Variants in MCTP1 observed in about 807,000 individuals in gnomAD.
The protein encoded by MCTP1 is multiple C2 and transmembrane domain-containing protein 1.
In MCTP1, 69 loss-of-function variants were observed where a neutral mutation model predicts 120.6. That is an observed-to-expected ratio of 0.57 (90% CI 0.47 to 0.70). The LOEUF (loss-of-function observed/expected upper bound fraction) is 0.70. MCTP1 is among the 30% of genes least tolerant of loss of function. The probability of loss-of-function intolerance (pLI) is 0.00; values close to 1 mark genes in which losing one functional copy is unlikely to be tolerated. For missense variants in MCTP1, 1,203 were observed against 1,248.8 expected, an observed-to-expected ratio of 0.96 and a Z score of 0.55; for synonymous variants, 529 against 493.1, an observed-to-expected ratio of 1.07 and a Z score of -0.96.
At chr5:95,230,334 T>A (rs1754793085) in intron 1 of MCTP1, among the ~76,000 whole-genome samples, 1 of 152,040 alleles carries the variant, frequency 6.6e-6, no homozygotes, top group Non-Finnish European at 1.5e-5. Flanking sequence ...GTTTTACAGA[T>A]GAGGAAACTG....
chr5:94,736,153 C>A (rs1237215662), intron 19 of MCTP1, among the ~76,000 whole-genome samples: 1 of 152,246 alleles, frequency 6.6e-6, no homozygotes, highest in Non-Finnish European at 1.5e-5. Flanking sequence ...TCAACCACCA[C>A]TATCACTTAC....
chr5:94,910,371 T>C lies in MCTP1; in HGVS notation c.1522-990A>G, dbSNP rs147617031. On this transcript the variant is annotated intron_variant, in intron 9 of 22. Coordinates refer to ENST00000515393, the MANE Select transcript of MCTP1 (RefSeq NM_024717.7). ...GAATCAATGAGCAAAGTAACCTATATTGATAGGAATGGAATTTTAAAATTC... is the reference window on the plus strand; with the variant it reads ...GAATCAATGAGCAAAGTAACCTATACTGATAGGAATGGAATTTTAAAATTC... Among the ~76,000 whole-genome samples, 8 of 152,124 alleles carry C rather than the reference T, an allele frequency of 5.3e-5. No individual in the cohort carries two copies. The East Asian group carries it at 1.4e-3, about 26-fold the overall frequency.
chr5:94,836,018 A>G (rs141310981), intron 17 of MCTP1, among the ~76,000 whole-genome samples: 2,567 of 151,744 alleles, frequency 0.017, 31 homozygotes, highest in Non-Finnish European at 0.026. Flanking sequence ...CAAACAAACA[A>G]ACAAACAAAA....
At chr5:95,082,671 T>G (rs925748200) in intron 1 of MCTP1, among the ~76,000 whole-genome samples, 5 of 152,188 alleles carry the variant, frequency 3.3e-5, no homozygotes. Flanking sequence ...CATTTCAATA[T>G]GTAATCATAA....
chr5:94,990,494 G>A (rs77002971), intron 2 of MCTP1, among the ~76,000 whole-genome samples: 1 of 152,088 alleles, frequency 6.6e-6, no homozygotes, highest in South Asian at 2.1e-4. Flanking sequence ...TTCACAGCCT[G>A]GATGTTTGCC....
chr5:94,967,346 C>A (rs925531945), intron 2 of MCTP1, among the ~76,000 whole-genome samples: 1 of 152,168 alleles, frequency 6.6e-6, no homozygotes, highest in Non-Finnish European at 1.5e-5. Flanking sequence ...TCAGCTATCA[C>A]ACACCACGTA....
chr5:94,724,556 C>T (rs1394358560), intron 19 of MCTP1, among the ~76,000 whole-genome samples: 1 of 151,974 alleles, frequency 6.6e-6, no homozygotes, highest in Non-Finnish European at 1.5e-5. Context: ...CAAGAAAACC[C>T]TTTTTAACTG....
intron 1 of MCTP1, among the ~76,000 whole-genome samples, chr5:95,220,082 A>C (rs2152605067): frequency 6.6e-6 from 1 of 152,324 alleles, no homozygotes; most frequent in East Asian, 1.9e-4. Context: ...TTGCTAATAG[A>C]TGACATTTAA....
intron 1 of MCTP1, among the ~76,000 whole-genome samples, chr5:95,032,368 A>G (rs1840464204): frequency 6.6e-6 from 1 of 152,170 alleles, no homozygotes; most frequent in Admixed American, 6.5e-5. Flanking sequence ...ATTCAAAATA[A>G]CTGAAATCAT....
chr5:94,776,437 C>A (rs1775346065), intron 19 of MCTP1, among the ~76,000 whole-genome samples: 1 of 152,220 alleles, frequency 6.6e-6, no homozygotes, highest in East Asian at 1.9e-4. Flanking sequence ...CCACGTAATA[C>A]CCCATTTACC....
Position 94,800,071 on chromosome 5 carries a change from C to T in MCTP1, c.2437-939G>A, listed in dbSNP as rs188855009. On this transcript the variant is annotated intron_variant, in intron 17 of 22. Transcript: ENST00000515393. Reference sequence around the variant, plus strand: ...AACTAGCCATATAACTTTCAAGCAACGTATATATCCCCTCTTTCGTTTCTT... The same window carrying T: ...AACTAGCCATATAACTTTCAAGCAATGTATATATCCCCTCTTTCGTTTCTT... Among the ~76,000 whole-genome samples the T allele has an allele frequency of 1.5e-4, 23 of 152,212 alleles. 1 individual carries two copies. The East Asian group carries it at 3.3e-3, about 22-fold the overall frequency.
intron 6 of MCTP1, among the ~76,000 whole-genome samples, chr5:94,926,418 A>G (rs1217970402): frequency 6.6e-6 from 1 of 151,406 alleles, no homozygotes; most frequent in East Asian, 1.9e-4. Context: ...TCATGTATAT[A>G]AACTTTCCTG....
In MCTP1 at chr5:94,940,601, CATATACAT is replaced by C. The variant is rs1264720642; in HGVS notation, c.1062-414_1062-407del. ...ACATATATATGTATATATATATACA[CATATACAT>C]ATATATGTGTATATATATACACATA... On this transcript the variant is annotated intron_variant, in intron 4 of 22. Transcript: ENST00000515393. 1.7e-4 allele frequency among the ~76,000 whole-genome samples: 25 copies of C among 144,536 alleles called. No individual in the cohort carries two copies. In the East Asian group the frequency reaches 4.0e-3, roughly 23 times the overall value. 94.8% of individuals were successfully genotyped at this position (144,536 alleles called of 152,430 possible). A position where few individuals can be genotyped will look rare whatever the true frequency, so the allele number is the denominator to read the frequency against.
chr5:94,897,074 C>T (rs578208635), intron 10 of MCTP1, among the ~76,000 whole-genome samples: 11 of 151,794 alleles, frequency 7.2e-5, no homozygotes, highest in Non-Finnish European at 1.0e-4. Context: ...TTAATTTTTT[C>T]GAGACCAGGT....
intron 1 of MCTP1, among the ~76,000 whole-genome samples, chr5:95,117,047 AAAAC>A (rs1178151881): frequency 6.6e-6 from 1 of 152,202 alleles, no homozygotes; most frequent in Non-Finnish European, 1.5e-5. Context: ...TTTAGAAGAA[AAAAC>A]AAACAACCCC....
At position 95,017,360 on chromosome 5, in the gene MCTP1, C is replaced by T. The variant is rs755319205; in HGVS notation, c.838+7G>A. Reference sequence around the variant, plus strand: ...GCTTCTAGGTGATATTGCTCTTATGCTCTTACCTCCTCGATCTCGAGCAGC... The same window carrying T: ...GCTTCTAGGTGATATTGCTCTTATGTTCTTACCTCCTCGATCTCGAGCAGC... On this transcript the variant is annotated splice_region_variant and intron_variant, in intron 2 of 22. Coordinates refer to ENST00000515393, the MANE Select transcript of MCTP1 (RefSeq NM_024717.7). The T allele has an allele frequency of 6.3e-6, 10 of 1,579,448 alleles. 1 individual carries two copies. In the South Asian group the frequency reaches 9.0e-5, roughly 14 times the overall value.
intron 1 of MCTP1, among the ~76,000 whole-genome samples, chr5:95,232,223 A>T (rs1488492544): frequency 7.2e-5 from 11 of 151,812 alleles, no homozygotes; most frequent in Admixed American, 7.2e-4. Context: ...ACCATCAAAA[A>T]ATACTAAATT....
chr5:95,202,680 T>G (rs762026068), intron 1 of MCTP1, among the ~76,000 whole-genome samples: 1 of 152,220 alleles, frequency 6.6e-6, no homozygotes, highest in Non-Finnish European at 1.5e-5. Context: ...TTACCTTGCT[T>G]GGCACTTACT....
chr5:95,112,630 A>G (rs182026598), intron 1 of MCTP1, among the ~76,000 whole-genome samples: 118 of 152,366 alleles, frequency 7.7e-4, no homozygotes, highest in Non-Finnish European at 1.6e-3. Flanking sequence ...AATCTAAGAT[A>G]TGCAATTATT....
Sources: gnomAD v4.1 joint callset for allele counts (sites outside exome capture counted in the v4.1 genomes callset) on GRCh38, gnomAD v4.1.1 for gene constraint, MANE v1.5 for transcripts, NCBI Gene and HGNC (gene_info 2026-07-23, HGNC 2026-07-21) for gene names.